Variants in AGBL1 observed in about 807,000 individuals in gnomAD.
AGBL1 encodes the protein AGBL carboxypeptidase 1.
Under a neutral mutation model 118.9 loss-of-function variants are expected in AGBL1, and 130 were observed. That is an observed-to-expected ratio of 1.09 (90% CI 0.95 to 1.26). AGBL1 has a LOEUF of 1.26. Ranked by LOEUF, AGBL1 falls within the 50% of genes most tolerant of loss-of-function variation. The pLI is 0.00. For synonymous variants in AGBL1, 555 were observed against 478.9 expected, an observed-to-expected ratio of 1.16 and a Z score of -2.08; for missense variants, 1,584 against 1,298.1, an observed-to-expected ratio of 1.22 and a Z score of -3.38.
chr15:86,542,775 C>G (rs900576471), intron 19 of AGBL1, among the ~76,000 whole-genome samples: 39 of 152,064 alleles, frequency 2.6e-4, no homozygotes, highest in African/African-American at 9.4e-4. Context: ...CATCGTATCT[C>G]GCTTTATCCC....
chr15:86,664,288 T>A (rs1168153920), intron 21 of AGBL1, among the ~76,000 whole-genome samples: 1 of 152,188 alleles, frequency 6.6e-6, no homozygotes, highest in Non-Finnish European at 1.5e-5. Flanking sequence ...AGTCCATTTG[T>A]TGGGGTCGAT....
rs181988753 is a variant in AGBL1, at chr15:86,309,402, T to C, written c.2374+13994T>C. Among the ~76,000 whole-genome samples, 7 of 152,350 alleles carry C rather than the reference T, an allele frequency of 4.6e-5. No individual in the cohort carries two copies. In the East Asian group the frequency reaches 1.3e-3, roughly 29 times the overall value. On this transcript the variant is annotated intron_variant, in intron 17 of 22. Coordinates refer to ENST00000614907, the MANE Select transcript of AGBL1 (RefSeq NM_001386094.1). ...CCAATTAGGATGCCTTTTATTTCTT[T>C]TTCTTGCCTAATTGGTCTGGCTAGG...
intron 22 of AGBL1, among the ~76,000 whole-genome samples, chr15:86,731,616 G>A (rs1268385596): frequency 6.6e-6 from 1 of 152,164 alleles, no homozygotes; most frequent in Non-Finnish European, 1.5e-5. Context: ...TGTAATGCTG[G>A]CAGATGAGAC....
chr15:86,329,515 A>G (rs776176411), intron 17 of AGBL1, among the ~76,000 whole-genome samples: 14 of 151,864 alleles, frequency 9.2e-5, no homozygotes, highest in Non-Finnish European at 1.6e-4. Flanking sequence ...CTTCCTGTGC[A>G]AAGATCCTAG....
chr15:86,281,355 C>T (rs898746451), intron 16 of AGBL1, among the ~76,000 whole-genome samples: 4 of 152,018 alleles, frequency 2.6e-5, no homozygotes, highest in African/African-American at 7.3e-5. Context: ...TGCATTCCAT[C>T]GTGGGCAACC....
At chr15:86,885,086 AACC>A (rs2079951265) in intron 22 of AGBL1, among the ~76,000 whole-genome samples, 1 of 148,970 alleles carries the variant, frequency 6.7e-6, no homozygotes, top group Non-Finnish European at 1.5e-5. Context: ...TATAATATAT[AACC>A]TAGTTTAATT....
At chr15:87,026,307 A>G (rs2081726127) in intron 24 of AGBL1, among the ~76,000 whole-genome samples, 1 of 152,106 alleles carries the variant, frequency 6.6e-6, no homozygotes, top group African/African-American at 2.4e-5. Context: ...CAAATCAACA[A>G]GAAACAAACA....
chr15:86,290,961 A>T (rs1297420694), intron 16 of AGBL1, among the ~76,000 whole-genome samples: 1 of 151,732 alleles, frequency 6.6e-6, no homozygotes, highest in Non-Finnish European at 1.5e-5. Context: ...TGTCCTTGCG[A>T]TAATTTACTG....
At chr15:86,886,350 G>C (rs964914727) in intron 22 of AGBL1, among the ~76,000 whole-genome samples, 1 of 152,156 alleles carries the variant, frequency 6.6e-6, no homozygotes, top group Non-Finnish European at 1.5e-5. Context: ...CACTTTTGCA[G>C]TTTAACAGTT....
intron 22 of AGBL1, among the ~76,000 whole-genome samples, chr15:86,769,034 G>A (rs899891674): frequency 4.6e-5 from 7 of 151,920 alleles, no homozygotes; most frequent in East Asian, 3.9e-4. Context: ...AAAAGCAGTC[G>A]CCAAAGGAGC....
intron 1 of AGBL1, among the ~76,000 whole-genome samples, chr15:86,095,646 CCT>C (rs1491151089): frequency 0.017 from 2,021 of 116,660 alleles, 238 homozygotes; most frequent in South Asian, 0.031. Context: ...ACCTTGGATA[CCT>C]TTTTTTTTTT....
chr15:86,851,325 C>T (rs529261754), intron 22 of AGBL1, among the ~76,000 whole-genome samples: 1 of 152,230 alleles, frequency 6.6e-6, no homozygotes, highest in East Asian at 1.9e-4. Flanking sequence ...AAAACCAAGT[C>T]TACTAGAACT....
chr15:87,009,604 C>T (rs760498821), intron 24 of AGBL1, among the ~76,000 whole-genome samples: 37 of 152,292 alleles, frequency 2.4e-4, no homozygotes, highest in Non-Finnish European at 4.3e-4. Context: ...AATCCACTGA[C>T]AGCTTGCACT....
downstream of AGBL1, among the ~76,000 whole-genome samples, chr15:86,920,356 C>G (rs1256148412): frequency 1.3e-5 from 2 of 152,190 alleles, no homozygotes; most frequent in Non-Finnish European, 2.9e-5. Flanking sequence ...TGCTTTGAAT[C>G]TCTTTTACTT....
At chr15:86,783,571 C>G (rs1190610108) in intron 22 of AGBL1, among the ~76,000 whole-genome samples, 3 of 152,146 alleles carry the variant, frequency 2.0e-5, no homozygotes, top group African/African-American at 7.2e-5. Context: ...CTTTGCATCA[C>G]TATTTGAAAA....
At chr15:86,733,741 C>T (rs368828991) in intron 22 of AGBL1, among the ~76,000 whole-genome samples, 1 of 152,110 alleles carries the variant, frequency 6.6e-6, no homozygotes, top group Non-Finnish European at 1.5e-5. Flanking sequence ...AAGTGAGGCT[C>T]AGAAAATTCA....
Position 86,847,826 on chromosome 15 carries a change from T to G in AGBL1, c.3159-59261T>G, listed in dbSNP as rs547261119. On this transcript the variant is annotated intron_variant, in intron 22 of 22. Coordinates refer to ENST00000614907, the MANE Select transcript of AGBL1 (RefSeq NM_001386094.1). ...CTTAAATGTGTGCACAGCTTTCCAG[T>G]CAGCTCAGGACTGGTAGAAAGCTTA... is the stretch of plus-strand genomic sequence containing the variant. Among the ~76,000 whole-genome samples the G allele has an allele frequency of 3.9e-4, 60 of 152,304 alleles. 1 individual carries two copies. The South Asian group carries it at 0.012, about 30-fold the overall frequency.
At chr15:86,080,465 T>C (rs1235746578) in intron 1 of AGBL1, among the ~76,000 whole-genome samples, 2 of 152,146 alleles carry the variant, frequency 1.3e-5, no homozygotes, top group Non-Finnish European at 2.9e-5. Context: ...CTTACTGGGC[T>C]CCCACATTGT....
intron 18 of AGBL1, among the ~76,000 whole-genome samples, chr15:86,444,513 G>T (rs11636547): frequency 2.3e-3 from 349 of 152,298 alleles, no homozygotes; most frequent in Non-Finnish European, 3.4e-3. Flanking sequence ...GGTAGTGTGA[G>T]CCTAGGGCCA....
Sources: allele counts gnomAD v4.1 joint callset (sites outside exome capture counted in the v4.1 genomes callset), GRCh38; gene constraint gnomAD v4.1.1; transcripts MANE v1.5; gene names NCBI Gene and HGNC (gene_info 2026-07-23, HGNC 2026-07-21).